The following NOL4 variants were observed in gnomAD, a reference collection of about 807,000 sequenced individuals.
The protein encoded by NOL4 is nucleolar protein 4.
In NOL4, 17 loss-of-function variants were observed where a neutral mutation model predicts 75.9. The ratio of observed to expected loss-of-function variants is 0.22; its 90% CI spans 0.15 to 0.34. The LOEUF (loss-of-function observed/expected upper bound fraction) is 0.34. Ranked by LOEUF, NOL4 falls within the 10% of genes least tolerant of loss-of-function variation. NOL4 has a pLI of 1.00. For missense variants in NOL4, 614 were observed against 793.5 expected (o/e 0.77, Z 2.72); for synonymous variants, 292 against 289.9 (o/e 1.01, Z -0.07).
At chr18:34,104,291 T>C (rs1295573500) in intron 3 of NOL4, 132 bp from the exon 4 acceptor site, 4 of 602,326 alleles carry the variant, frequency 6.6e-6, no homozygotes, top group African/African-American at 1.9e-5. Flanking sequence ...AGCATTATAG[T>C]TGGACGGTAG....
At chr18:34,032,851 G>A (rs1295952546) in intron 5 of NOL4, among the ~76,000 whole-genome samples, 1 of 152,112 alleles carries the variant, frequency 6.6e-6, no homozygotes, top group Non-Finnish European at 1.5e-5. Context: ...CCTAAAGACT[G>A]GCCTTCCTGA....
chr18:33,947,061 T>C (rs2068884619), intron 8 of NOL4, among the ~76,000 whole-genome samples: 1 of 151,726 alleles, frequency 6.6e-6, no homozygotes, highest in Admixed American at 6.6e-5. Context: ...TGTGCAGCAT[T>C]TGGTTATAAG....
At chr18:34,091,260 G>A (rs1263328887) in intron 5 of NOL4, among the ~76,000 whole-genome samples, 2 of 151,960 alleles carry the variant, frequency 1.3e-5, no homozygotes, top group Non-Finnish European at 2.9e-5. Flanking sequence ...CTACTCAGGA[G>A]GCTGAGGCAG....
rs115496653 is a variant in NOL4, at chr18:34,113,117, G to A, written c.415-7957C>T. 8.1e-3 allele frequency among the ~76,000 whole-genome samples: 1,234 copies of A among 151,916 alleles called. 8 individuals carry two copies. The highest frequency in any genetic ancestry group is 0.028 in the African/African-American group (1,160 of 41,452). ...CCCAATTAGCTAGGACTACAGGTGC[G>A]GACCACTAAGCCCAACTTTTTTTGT... On this transcript the variant is annotated intron_variant, in intron 2 of 10. Coordinates refer to ENST00000261592, the MANE Select transcript of NOL4 (RefSeq NM_003787.5).
chr18:34,164,312 A>G (rs2031998025), intron 1 of NOL4, among the ~76,000 whole-genome samples: 1 of 151,990 alleles, frequency 6.6e-6, no homozygotes, highest in African/African-American at 2.4e-5. Context: ...GCAACCTATA[A>G]AATGGGAGAA....
At chr18:34,064,154 T>C (rs2077173959) in intron 5 of NOL4, among the ~76,000 whole-genome samples, 1 of 152,054 alleles carries the variant, frequency 6.6e-6, no homozygotes, top group Non-Finnish European at 1.5e-5. Flanking sequence ...ACTCGTTTAT[T>C]GGTGCAAGGT....
chr18:34,208,882 G>C (rs2036309807), intron 1 of NOL4, among the ~76,000 whole-genome samples: 1 of 151,314 alleles, frequency 6.6e-6, no homozygotes, highest in African/African-American at 2.4e-5. Flanking sequence ...AAAGAAAACT[G>C]TAATTATCAT....
Position 33,970,725 on chromosome 18 carries a change from T to TTGTG in NOL4, c.1057-12311_1057-12308dup, listed in dbSNP as rs34125584. Among the ~76,000 whole-genome samples, 572 of 147,016 alleles carry TTGTG rather than the reference T, an allele frequency of 3.9e-3. 2 individuals are homozygous for TTGTG. Among genetic ancestry groups the TTGTG allele is most frequent in the Middle Eastern group, 6.9e-3 (2 of 288 alleles). On this transcript the variant is annotated intron_variant, in intron 6 of 10. Transcript: ENST00000261592. ...TGGAAAACTTACTTCTTCAAGCTAT[T>TTGTG]TGTGTGTGTGTGTGTGTGTGTGTGT...
At chr18:34,145,419 A>G (rs1042401971) in intron 1 of NOL4, among the ~76,000 whole-genome samples, 20 of 151,502 alleles carry the variant, frequency 1.3e-4, no homozygotes, top group African/African-American at 4.9e-4. Context: ...TAAACTTCCT[A>G]ATTTATAAAC....
chr18:33,937,100 C>T (rs965811040), intron 9 of NOL4, among the ~76,000 whole-genome samples: 4 of 152,056 alleles, frequency 2.6e-5, no homozygotes, highest in South Asian at 2.1e-4. Context: ...TCCTAGATAA[C>T]GTAAAAAATA....
At chr18:33,872,174 C>T (rs2063731258) in intron 10 of NOL4, among the ~76,000 whole-genome samples, 1 of 151,978 alleles carries the variant, frequency 6.6e-6, no homozygotes, top group South Asian at 2.1e-4. Flanking sequence ...AAAATGTGGT[C>T]ACATTTCAAA....
chr18:34,219,674 GTT>G (rs2037160917), intron 1 of NOL4, among the ~76,000 whole-genome samples: 1 of 152,248 alleles, frequency 6.6e-6, no homozygotes, highest in Non-Finnish European at 1.5e-5. Flanking sequence ...TTTCGGAACT[GTT>G]TTAAGTCATT....
At position 34,028,639 on chromosome 18, in the gene NOL4, T is replaced by C. The variant is rs137889767; in HGVS notation, c.773-9038A>G. 1.1e-4 allele frequency among the ~76,000 whole-genome samples: 17 copies of C among 152,262 alleles called. No individual in the cohort carries two copies. The East Asian group carries it at 3.1e-3, about 28-fold the overall frequency. On this transcript the variant is annotated intron_variant, in intron 5 of 10. Transcript: ENST00000261592. ...CATCTCTTGGAATTTGAACTAACAC[T>C]TTCTTCTTAAGGGCCAATGACCACA...
intron 8 of NOL4, among the ~76,000 whole-genome samples, chr18:33,954,762 A>G (rs2069520622): frequency 6.6e-6 from 1 of 152,052 alleles, no homozygotes; most frequent in African/African-American, 2.4e-5. Context: ...TGAAATTTTT[A>G]ATATTGCTTG....
intron 9 of NOL4, among the ~76,000 whole-genome samples, chr18:33,895,936 G>A (rs946764530): frequency 1.1e-4 from 16 of 152,028 alleles, no homozygotes; most frequent in Non-Finnish European, 2.2e-4. Flanking sequence ...TCCTACAGCT[G>A]ATAAACAACT....
At chr18:34,159,749 G>T (rs1045725433) in intron 1 of NOL4, among the ~76,000 whole-genome samples, 1 of 152,068 alleles carries the variant, frequency 6.6e-6, no homozygotes, top group South Asian at 2.1e-4. Context: ...CTATAACGCC[G>T]GATCCTTTCT....
chr18:33,866,897 C>A (rs981426744), intron 10 of NOL4, among the ~76,000 whole-genome samples: 3 of 152,042 alleles, frequency 2.0e-5, no homozygotes, highest in Non-Finnish European at 4.4e-5. Flanking sequence ...TAACAGGAAG[C>A]AATCCCTAAA....
chr18:34,140,957 CT>C (rs1259471563), intron 1 of NOL4, among the ~76,000 whole-genome samples: 11 of 152,064 alleles, frequency 7.2e-5, no homozygotes, highest in Non-Finnish European at 1.3e-4. Flanking sequence ...CCAAAATCTC[CT>C]TAAGCGCATA....
intron 1 of NOL4, among the ~76,000 whole-genome samples, chr18:34,208,847 G>A (rs1014060731): frequency 2.6e-5 from 4 of 151,980 alleles, no homozygotes; most frequent in Non-Finnish European, 4.4e-5. Flanking sequence ...GGGCAACAGA[G>A]CAAGACTCCA....
Sources: gnomAD v4.1 joint callset for allele counts (sites outside exome capture counted in the v4.1 genomes callset) on GRCh38, gnomAD v4.1.1 for gene constraint, MANE v1.5 for transcripts, NCBI Gene and HGNC (gene_info 2026-07-23, HGNC 2026-07-21) for gene names.